The following EIF3A variants were observed in gnomAD, a reference collection of about 807,000 sequenced individuals.
EIF3A encodes the protein EIF3, p180 subunit.
EIF3A carries 21 observed loss-of-function variants against 186.6 expected under a neutral mutation model. The observed-to-expected ratio is 0.11, with a 90% confidence interval of 0.08 to 0.16. EIF3A has a LOEUF of 0.16. Ranked by LOEUF, EIF3A falls within the 10% of genes least tolerant of loss-of-function variation. The pLI is 1.00. For synonymous variants in EIF3A, 563 were observed against 584.3 expected, an observed-to-expected ratio of 0.96 and a Z score of 0.52; for missense variants, 1,306 against 1,796.3, an observed-to-expected ratio of 0.73 and a Z score of 4.93.
At chr10:119,078,722 T>G (rs896871779) in intron 1 of EIF3A, among the ~76,000 whole-genome samples, 4 of 152,184 alleles carry the variant, frequency 2.6e-5, no homozygotes, top group Non-Finnish European at 5.9e-5. Context: ...CCAGTGTCCC[T>G]CATCTTGCCT....
In EIF3A at chr10:119,065,854, C is replaced by T. The variant is rs187602628; in HGVS notation, c.951-284G>A. On this transcript the variant is annotated intron_variant, in intron 6 of 21. Coordinates refer to ENST00000369144, the MANE Select transcript of EIF3A (RefSeq NM_003750.4). Reference sequence around the variant, plus strand: ...GTGATTGACCAGGCGCGGTGGCTCACGCCTGTAATCCCAGCACTTTGGGAG... The same window carrying T: ...GTGATTGACCAGGCGCGGTGGCTCATGCCTGTAATCCCAGCACTTTGGGAG... Among the ~76,000 whole-genome samples, 51 of 152,312 alleles carry T rather than the reference C, an allele frequency of 3.3e-4. No homozygotes were observed. The East Asian group carries it at 6.8e-3, about 20-fold the overall frequency.
At chr10:119,074,041 T>C (rs1403780407) in intron 1 of EIF3A, 104 bp from the exon 2 acceptor site, 1 of 953,418 alleles carries the variant, frequency 1.0e-6, no homozygotes, top group Non-Finnish European at 1.5e-6. Context: ...TTACCAACTT[T>C]TTACCAAGTT....
In EIF3A at chr10:119,042,667, T is replaced by C. The variant is rs753996320; in HGVS notation, c.2853A>G (p.Arg951=). The change falls in exon 19 of 22, where the codon AGA becomes AGG. Residue 951 remains arginine, a synonymous_variant. Coordinates refer to ENST00000369144, the MANE Select transcript of EIF3A (RefSeq NM_003750.4). This position sits in a 1 kb window ranked among gnomAD's most constrained non-coding sequence, Gnocchi z 7.8. The part of the protein sequence containing the change: ...GDDEDREPSL[R]PDDDRVPRRG... ...GCCGGGGAACCCGATCATCGTCTGGTCTAAGAGAGGGCTCTCTATCTTCAT... is the reference window on the plus strand; with the variant it reads ...GCCGGGGAACCCGATCATCGTCTGGCCTAAGAGAGGGCTCTCTATCTTCAT... The C allele has an allele frequency of 6.2e-7, 1 of 1,614,162 alleles. No homozygotes were observed. The highest frequency in any genetic ancestry group is 1.1e-5 in the South Asian group (1 of 91,078).
intron 1 of EIF3A, 113 bp downstream of exon 1, chr10:119,080,515 G>A: frequency 4.2e-6 from 6 of 1,418,132 alleles, no homozygotes; most frequent in South Asian, 3.1e-5. Flanking sequence ...AGGCCGCATC[G>A]GTCTCCTCTC....
At position 119,069,693 on chromosome 10, in the gene EIF3A, T is replaced by C. The variant is rs115613665; in HGVS notation, c.742-39A>G. 3.7e-3 allele frequency: 3,766 copies of C among 1,008,378 alleles called. 66 individuals are homozygous for C. The African/African-American group carries it at 0.048, about 13-fold the overall frequency. 62.5% of individuals were successfully genotyped at this position (1,008,378 alleles called of 1,614,324 possible). On this transcript the variant is annotated intron_variant, in intron 5 of 21. Transcript: ENST00000369144. ...TATAAATTAAAGTCATTGCATTCTA[T>C]AACACGAAAAAAATCTAATTCAAAT... is the stretch of plus-strand genomic sequence containing the variant.
intron 8 of EIF3A, 114 bp downstream of exon 8, chr10:119,061,107 TGCA>T: frequency 3.4e-6 from 2 of 591,070 alleles, no homozygotes; most frequent in Non-Finnish European, 5.9e-6. Context: ...CAATGAAATG[TGCA>T]CTGAATTCCA....
Position 119,042,819 on chromosome 10 carries a change from T to C in EIF3A, c.2748-47A>G, listed in dbSNP as rs771008156. On this transcript the variant is annotated intron_variant, in intron 18 of 21. Coordinates refer to ENST00000369144, the MANE Select transcript of EIF3A (RefSeq NM_003750.4). The surrounding 1 kb of genome is among the most constrained non-coding windows in gnomAD (Gnocchi z 7.8). ...TAAAAATATATAAAATAAAAAAGCA[T>C]ATGATCCTTTGGGGATTTTTTTTTT... 3 of 1,504,536 alleles carry C rather than the reference T, an allele frequency of 2.0e-6. No individual in the cohort carries two copies. The highest frequency in any genetic ancestry group is 1.9e-4 in the Middle Eastern group (1 of 5,310). 93.2% of individuals were successfully genotyped at this position (1,504,536 alleles called of 1,614,324 possible).
chr10:119,039,980 A>C (rs1469846126), intron 19 of EIF3A, among the ~76,000 whole-genome samples: 1 of 152,230 alleles, frequency 6.6e-6, no homozygotes, highest in Admixed American at 6.5e-5. Context: ...AAATATAATT[A>C]GCAAATTAGT....
chr10:119,072,389 A>C (rs968224398), intron 4 of EIF3A, among the ~76,000 whole-genome samples: 2 of 152,106 alleles, frequency 1.3e-5, no homozygotes, highest in Admixed American at 1.3e-4. Context: ...ATTCACACAA[A>C]ACTCCTTTAA....
rs1848223183 is a variant in EIF3A at position 119,042,463 on chromosome 10, T to C, written c.3057A>G (p.Arg1019=). ...TTCCTCTGTCCTCATCCAGTCCTCG[T>C]CTAGGTGGTCTGTCATCATCCGCAT... ...WRHADDDRPP[R]RGLDEDRGSW... is the part of the protein sequence containing the mutation. Residue 1019 remains arginine (R), a synonymous_variant, in exon 19 of 22, where the codon AGA becomes AGG. Transcript: ENST00000369144. The surrounding 1 kb of genome is among the most constrained non-coding windows in gnomAD (Gnocchi z 7.8). 6.2e-7 allele frequency: 1 copy of C among 1,614,170 alleles called. No individual in the cohort carries two copies. The highest frequency in any genetic ancestry group is 1.3e-5 in the African/African-American group (1 of 75,022).
intron 14 of EIF3A, among the ~76,000 whole-genome samples, chr10:119,053,520 TG>T (rs1200583975): frequency 1.5e-5 from 2 of 131,324 alleles, no homozygotes; most frequent in Non-Finnish European, 3.1e-5. Context: ...GAGACCAGCC[TG>T]GGAAGCCTGG....
intron 11 of EIF3A, among the ~76,000 whole-genome samples, chr10:119,058,960 C>CCA (rs1483319780): frequency 6.6e-6 from 1 of 152,174 alleles, no homozygotes; most frequent in Non-Finnish European, 1.5e-5. Flanking sequence ...AATCCTATGT[C>CCA]CACTCTGTTG....
chr10:119,064,989 C>A (rs991242845), intron 7 of EIF3A, among the ~76,000 whole-genome samples: 1 of 152,066 alleles, frequency 6.6e-6, no homozygotes, highest in Non-Finnish European at 1.5e-5. Flanking sequence ...GGATTACAGA[C>A]GTGAGCCACC....
chr10:119,065,566 A>T lies in EIF3A; in HGVS notation c.955T>A (p.Ser319Thr). The T allele has an allele frequency of 6.2e-7, 1 of 1,604,048 alleles. No homozygotes were observed. Among genetic ancestry groups the T allele is most frequent in the Non-Finnish European group, 8.5e-7 (1 of 1,173,464 alleles). ...AGAGTGGCTAAAAGGACTCTAGTAG[A>T]CATTCTATGGAGAACAAAGTTTTAA... is the stretch of plus-strand genomic sequence containing the variant. ...NLTQDEMQRMSTRVLLATLSI... is the reference protein window; with the variant it reads ...NLTQDEMQRMTTRVLLATLSI... Residue 319 changes from serine (S) to threonine (T), a missense_variant, in exon 7 of 22, where the codon TCT becomes ACT. Around this residue, in one of 8 missense-constraint regions of EIF3A, gnomAD observed 267 missense variants for 367.8 expected, o/e 0.73. Coordinates refer to ENST00000369144, the MANE Select transcript of EIF3A (RefSeq NM_003750.4).
chr10:119,062,094 C>T (rs1843897977), intron 7 of EIF3A, among the ~76,000 whole-genome samples: 1 of 152,116 alleles, frequency 6.6e-6, no homozygotes. Flanking sequence ...GGCTGAAATC[C>T]TACAACATTC....
At position 119,052,368 on chromosome 10, in the gene EIF3A, T is replaced by G. The variant is rs77237898; in HGVS notation, c.2197-1047A>C. On this transcript the variant is annotated intron_variant, in intron 14 of 21. Transcript: ENST00000369144. ...CTTCAGGTTATAGTCTTTTTTGGTT[T>G]TGTGTGTGTGTGTGTGTGTGTGTGT... 7.7e-4 allele frequency among the ~76,000 whole-genome samples: 95 copies of G among 123,006 alleles called. 1 individual carries two copies. Among genetic ancestry groups the G allele is most frequent in the East Asian group, 1.7e-3 (7 of 4,098 alleles). 80.7% of individuals were successfully genotyped at this position (123,006 alleles called of 152,430 possible).
At chr10:119,075,993 T>A (rs1300660823) in intron 1 of EIF3A, among the ~76,000 whole-genome samples, 1 of 142,324 alleles carries the variant, frequency 7.0e-6, no homozygotes. Flanking sequence ...CCCAAAGTGC[T>A]GGGGATACAG....
chr10:119,078,945 CG>C (rs113555246), intron 1 of EIF3A, among the ~76,000 whole-genome samples: 2,439 of 151,694 alleles, frequency 0.016, 70 homozygotes, highest in African/African-American at 0.056. Context: ...CCTACTAGCA[CG>C]GGGAAAAAAA....
At chr10:119,063,613 A>G (rs1843924524) in intron 7 of EIF3A, among the ~76,000 whole-genome samples, 1 of 152,182 alleles carries the variant, frequency 6.6e-6, no homozygotes, top group Admixed American at 6.5e-5. Context: ...CTCTTACCCC[A>G]AAGTAATCTA....
Sources: allele counts gnomAD v4.1 joint callset (sites outside exome capture counted in the v4.1 genomes callset), GRCh38; gene constraint gnomAD v4.1.1; regional missense constraint gnomAD v4.1.1; non-coding constraint Gnocchi (gnomAD v3.1); transcripts MANE v1.5; gene names NCBI Gene and HGNC (gene_info 2026-07-23, HGNC 2026-07-21).